The following CA10 variants were observed in gnomAD, a reference collection of about 807,000 sequenced individuals.
CA10 encodes the protein carbonic anhydrase 10 (inactive).
Under a neutral mutation model 44.2 loss-of-function variants are expected in CA10, and 14 were observed. The observed-to-expected ratio is 0.32, with a 90% confidence interval of 0.21 to 0.50. The LOEUF is 0.50. Among genes scored for constraint, CA10 ranks in the 20% least tolerant of loss-of-function variants. The probability of loss-of-function intolerance (pLI) is 0.99; values close to 1 mark genes in which losing one functional copy is unlikely to be tolerated. For synonymous variants in CA10, 159 were observed against 141.6 expected, an observed-to-expected ratio of 1.12 and a Z score of -0.87; for missense variants, 350 against 409.7, an observed-to-expected ratio of 0.85 and a Z score of 1.26.
At chr17:51,656,242 A>C (rs901035971) in intron 4 of CA10, among the ~76,000 whole-genome samples, 1 of 152,228 alleles carries the variant, frequency 6.6e-6, no homozygotes, top group Non-Finnish European at 1.5e-5. Flanking sequence ...AAGGCAATCC[A>C]GTGGAGTGAT....
intron 2 of CA10, among the ~76,000 whole-genome samples, chr17:52,061,606 AT>A (rs1987387698): frequency 2.0e-5 from 3 of 152,124 alleles, no homozygotes; most frequent in Admixed American, 2.0e-4. Flanking sequence ...GTTTCCCCAC[AT>A]GTTGTTCTCA....
chr17:51,734,186 G>T (rs879379274), intron 4 of CA10, among the ~76,000 whole-genome samples: 31 of 144,526 alleles, frequency 2.1e-4, no homozygotes, highest in Non-Finnish European at 4.1e-4. Flanking sequence ...GTTGGGGGGG[G>T]GGGGTTCCAA....
chr17:51,718,302 A>C (rs1018033210), intron 4 of CA10, among the ~76,000 whole-genome samples: 2 of 152,120 alleles, frequency 1.3e-5, no homozygotes, highest in African/African-American at 4.8e-5. Flanking sequence ...AATAAATAAA[A>C]ATAAAGTATT....
At chr17:51,718,232 GAAAAAAAGATTT>G (rs1916235746) in intron 4 of CA10, among the ~76,000 whole-genome samples, 3 of 149,184 alleles carry the variant, frequency 2.0e-5, no homozygotes, top group African/African-American at 7.3e-5. Flanking sequence ...GATTTAAAAT[GAAAAAAAGATTT>G]AAAATGAAAT....
At chr17:51,639,438 G>A (rs556247463) in intron 6 of CA10, among the ~76,000 whole-genome samples, 4 of 152,178 alleles carry the variant, frequency 2.6e-5, no homozygotes, top group Non-Finnish European at 4.4e-5. Context: ...GGAAAAGATT[G>A]GGGGCCGAGG....
At chr17:51,664,467 C>T (rs1914137825) in intron 4 of CA10, among the ~76,000 whole-genome samples, 1 of 151,168 alleles carries the variant, frequency 6.6e-6, no homozygotes, top group East Asian at 1.9e-4. Flanking sequence ...ACATGAACAT[C>T]TCAATATGGA....
intron 3 of CA10, among the ~76,000 whole-genome samples, chr17:51,832,850 G>A (rs1335637922): frequency 1.3e-5 from 2 of 152,210 alleles, no homozygotes; most frequent in Non-Finnish European, 2.9e-5. Flanking sequence ...AGTGAAATGA[G>A]TGGCCTTGGG....
intron 2 of CA10, among the ~76,000 whole-genome samples, chr17:51,983,911 C>G (rs1984738850): frequency 6.6e-6 from 1 of 151,742 alleles, no homozygotes; most frequent in Non-Finnish European, 1.5e-5. Flanking sequence ...AAGACCTTTT[C>G]AACTATTTTG....
intron 3 of CA10, among the ~76,000 whole-genome samples, chr17:51,838,986 ATTTTG>A (rs1050136167): frequency 1.3e-5 from 2 of 152,162 alleles, no homozygotes; most frequent in African/African-American, 4.8e-5. Context: ...TCAGAGATTG[ATTTTG>A]TTTTATTTTC....
chr17:51,973,218 C>G (rs1226488355), intron 2 of CA10, among the ~76,000 whole-genome samples: 1 of 152,122 alleles, frequency 6.6e-6, no homozygotes, highest in Admixed American at 6.5e-5. Context: ...AAAAACACAC[C>G]AAGTGAGATC....
At chr17:51,969,569 T>A (rs1349163926) in intron 2 of CA10, among the ~76,000 whole-genome samples, 14 of 152,028 alleles carry the variant, frequency 9.2e-5, no homozygotes, top group African/African-American at 3.4e-4. Flanking sequence ...CTCTAGAACG[T>A]CTTCCCTAAT....
intron 3 of CA10, among the ~76,000 whole-genome samples, chr17:51,928,824 T>C (rs560155654): frequency 1.6e-4 from 25 of 152,340 alleles, no homozygotes; most frequent in African/African-American, 6.0e-4. Flanking sequence ...CTTCAAAATG[T>C]GATACAAACA....
At chr17:51,675,711 G>A (rs529858112) in intron 4 of CA10, among the ~76,000 whole-genome samples, 13 of 147,912 alleles carry the variant, frequency 8.8e-5, no homozygotes, top group Non-Finnish European at 1.3e-4. Context: ...GCAAGGCTGC[G>A]TCTCAAAAAA....
intron 3 of CA10, chr17:51,762,009 TA>T (rs1174944240): frequency 6.6e-6 from 1 of 152,206 alleles, no homozygotes; most frequent in Non-Finnish European, 1.5e-5. Context: ...CATATCTAGA[TA>T]TACTAATAAT....
chr17:51,717,755 A>ATG lies in CA10; in HGVS notation c.465+29877_465+29878insCA, dbSNP rs1916189213. On this transcript the variant is annotated intron_variant, in intron 4 of 8. Coordinates refer to ENST00000451037, the MANE Select transcript of CA10 (RefSeq NM_020178.5). ...TATATACGTATATATACATGTATATATACGTATATATGTATACATATATGC... is the reference window on the plus strand; with the variant it reads ...TATATACGTATATATACATGTATATATGTACGTATATATGTATACATATATGC... 3.4e-4 allele frequency among the ~76,000 whole-genome samples: 17 copies of ATG among 49,872 alleles called. 4 individuals carry two copies. The highest frequency in any genetic ancestry group is 8.4e-4 in the East Asian group (1 of 1,190). The allele number at this position is 49,872 out of a possible 152,430, so 32.7% of individuals were successfully genotyped here.
chr17:51,653,294 G>A (rs748387261), intron 5 of CA10, among the ~76,000 whole-genome samples: 18 of 152,116 alleles, frequency 1.2e-4, no homozygotes, highest in Admixed American at 1.2e-3. Context: ...TAATCCTGTG[G>A]GGCATTAGTG....
At chr17:52,112,205 T>C (rs1405637835) in intron 1 of CA10, among the ~76,000 whole-genome samples, 1 of 151,554 alleles carries the variant, frequency 6.6e-6, no homozygotes, top group African/African-American at 2.4e-5. Context: ...AAAAAAAAAC[T>C]CACAATTTGG....
chr17:51,797,374 G>A (rs2319517), intron 3 of CA10, among the ~76,000 whole-genome samples: 19,811 of 152,094 alleles, frequency 0.13, 2,224 homozygotes, highest in African/African-American at 0.31. Context: ...ACGCACACAC[G>A]CACACCCCGC....
At chr17:51,787,882 TTTTG>T (rs541564138) in intron 3 of CA10, among the ~76,000 whole-genome samples, 284 of 152,320 alleles carry the variant, frequency 1.9e-3, no homozygotes, top group African/African-American at 6.5e-3. Context: ...AGTTTGTCTA[TTTTG>T]TTTAACTTTT....
Sources: gnomAD v4.1 joint callset for allele counts (sites outside exome capture counted in the v4.1 genomes callset) on GRCh38, gnomAD v4.1.1 for gene constraint, MANE v1.5 for transcripts, NCBI Gene and HGNC (gene_info 2026-07-23, HGNC 2026-07-21) for gene names.